The following SORL1 variants were observed in gnomAD, a reference collection of about 807,000 sequenced individuals.
SORL1 encodes sortilin-related receptor.
In SORL1, 127 loss-of-function variants were observed where a neutral mutation model predicts 273.7. The observed-to-expected ratio is 0.46, with a 90% CI of 0.40 to 0.54. The LOEUF (loss-of-function observed/expected upper bound fraction) is 0.54. Among genes scored for constraint, SORL1 ranks in the 20% least tolerant of loss-of-function variants. SORL1 has a pLI of 0.00. For missense variants in SORL1, 2,494 were observed against 2,846.1 expected, an observed-to-expected ratio of 0.88 and a Z score of 2.81; for synonymous variants, 1,031 against 1,067.4, an observed-to-expected ratio of 0.97 and a Z score of 0.66.
At chr11:121,615,177 A>G in intron 41 of SORL1, 122 bp downstream of exon 41, 1 of 724,308 alleles carries the variant, frequency 1.4e-6, no homozygotes, top group Non-Finnish European at 2.2e-6. Flanking sequence ...CTGCTCTTGG[A>G]TATAGGCCTT....
At chr11:121,566,483 G>A (rs1862756289) in intron 21 of SORL1, among the ~76,000 whole-genome samples, 1 of 152,180 alleles carries the variant, frequency 6.6e-6, no homozygotes, top group African/African-American at 2.4e-5. Flanking sequence ...GGGGCTACAG[G>A]TGCGTGCTGC....
intron 2 of SORL1, among the ~76,000 whole-genome samples, chr11:121,471,919 G>A (rs1274196554): frequency 6.6e-6 from 1 of 152,142 alleles, no homozygotes; most frequent in Middle Eastern, 3.2e-3. Flanking sequence ...CAATGACTTT[G>A]GCCCATTTAT....
chr11:121,576,194 G>C (rs546026892), intron 24 of SORL1, among the ~76,000 whole-genome samples: 1 of 152,298 alleles, frequency 6.6e-6, no homozygotes, highest in African/African-American at 2.4e-5. Context: ...ATAAACAATA[G>C]TATTTTGTTT....
Position 121,491,682 on chromosome 11 carries a change from C to G in SORL1, c.758+1572C>G, listed in dbSNP as rs141729915. Reference sequence around the variant, plus strand: ...TATTGGCTTCACCTTCAGTATATATCTAGAATCTTCTACTCAGGTACCACT... The same window carrying G: ...TATTGGCTTCACCTTCAGTATATATGTAGAATCTTCTACTCAGGTACCACT... On this transcript the variant is annotated intron_variant, in intron 5 of 47. Transcript: ENST00000260197. Among the ~76,000 whole-genome samples the G allele has an allele frequency of 1.6e-4, 25 of 152,308 alleles. 1 individual carries two copies. The highest frequency in any genetic ancestry group is 1.4e-3 in the Admixed American group (22 of 15,300).
intron 1 of SORL1, 39 bp from the exon 2 acceptor site, chr11:121,469,968 C>T (rs374968242): frequency 7.8e-7 from 1 of 1,288,968 alleles, no homozygotes; most frequent in African/African-American, 1.5e-5. Context: ...GTGGCCATCA[C>T]TTATCGTGGG....
In SORL1 at chr11:121,452,867, G is replaced by A. The variant is rs1860830812; in HGVS notation, c.285+251G>A. The A allele has an allele frequency of 2.4e-6, 1 of 415,532 alleles. No individual in the cohort carries two copies. Among genetic ancestry groups the A allele is most frequent in the Non-Finnish European group, 4.3e-6 (1 of 234,948 alleles). 25.7% of individuals were successfully genotyped at this position (415,532 alleles called of 1,614,324 possible). On this transcript the variant is annotated intron_variant, in intron 1 of 47. Coordinates refer to ENST00000260197, the MANE Select transcript of SORL1 (RefSeq NM_003105.6). This position sits in a 1 kb window ranked among gnomAD's most constrained non-coding sequence, Gnocchi z 5.3. ...TGCAGTGCGTATTACCCCAGGGTGTGTGCAGAGAGATGTAGTTTCCGGCAG... is the reference window on the plus strand; with the variant it reads ...TGCAGTGCGTATTACCCCAGGGTGTATGCAGAGAGATGTAGTTTCCGGCAG...
At chr11:121,568,335 T>C (rs1862782534) in intron 22 of SORL1, among the ~76,000 whole-genome samples, 2 of 152,242 alleles carry the variant, frequency 1.3e-5, no homozygotes, top group Admixed American at 6.5e-5. Flanking sequence ...AGAGACTTTC[T>C]TTCAGGCTAT....
At chr11:121,460,700 T>C (rs2134768610) in intron 1 of SORL1, among the ~76,000 whole-genome samples, 1 of 152,114 alleles carries the variant, frequency 6.6e-6, no homozygotes, top group Non-Finnish European at 1.5e-5. Context: ...CTGGCCTTGG[T>C]GAAATTTTTA....
At position 121,554,028 on chromosome 11, in the gene SORL1, G is replaced by A. The variant is rs528640160; in HGVS notation, c.2358G>A (p.Gly786=). ...SGATEQLPLT[G]LRAAVALDFD... is the part of the protein sequence containing the mutation. ...CCACCGAGCAGTTGCCTCTCACCGG[G>A]CTACGGGCAGCAGTGGCCCTGGACT... is the stretch of plus-strand genomic sequence containing the variant. Residue 786 remains glycine (G), a synonymous_variant, in exon 17 of 48, where the codon GGG becomes GGA. Coordinates refer to ENST00000260197, the MANE Select transcript of SORL1 (RefSeq NM_003105.6). This position sits in a 1 kb window ranked among gnomAD's most constrained non-coding sequence, Gnocchi z 4.6. The A allele has an allele frequency of 6.2e-7, 1 of 1,614,194 alleles. No individual in the cohort carries two copies. The highest frequency in any genetic ancestry group is 2.2e-5 in the East Asian group (1 of 44,884).
chr11:121,579,897 A>G (rs1862989098), intron 25 of SORL1, among the ~76,000 whole-genome samples: 1 of 152,200 alleles, frequency 6.6e-6, no homozygotes, highest in African/African-American at 2.4e-5. Context: ...GTTATTATAG[A>G]CATATATTTA....
intron 26 of SORL1, among the ~76,000 whole-genome samples, chr11:121,583,806 C>A (rs997489839): frequency 6.6e-6 from 1 of 152,218 alleles, no homozygotes; most frequent in Non-Finnish European, 1.5e-5. Flanking sequence ...GCCCCACACA[C>A]AAACTATATA....
intron 40 of SORL1, 159 bp from the exon 41 acceptor site, chr11:121,614,712 C>T (rs762535442): frequency 1.1e-5 from 7 of 631,068 alleles, no homozygotes; most frequent in East Asian, 5.5e-5. Context: ...AGTACATAAA[C>T]GTTGAATGAA....
intron 31 of SORL1, among the ~76,000 whole-genome samples, chr11:121,592,341 T>C (rs1863228860): frequency 6.6e-6 from 1 of 152,196 alleles, no homozygotes; most frequent in Admixed American, 6.5e-5. Context: ...CCTAATGGAA[T>C]CGCCTGGGGT....
chr11:121,482,510 G>A (rs1010687920), intron 3 of SORL1, among the ~76,000 whole-genome samples: 30 of 152,328 alleles, frequency 2.0e-4, no homozygotes, highest in African/African-American at 5.5e-4. Context: ...TAATTCCCCA[G>A]AGAAGGCTGC....
chr11:121,591,932 G>A (rs975350405), intron 31 of SORL1, among the ~76,000 whole-genome samples: 10 of 152,118 alleles, frequency 6.6e-5, no homozygotes, highest in Non-Finnish European at 1.0e-4. Flanking sequence ...CTGATTCTAT[G>A]TTTTTTATAA....
intron 12 of SORL1, among the ~76,000 whole-genome samples, chr11:121,542,746 A>G (rs1862365151): frequency 6.6e-6 from 1 of 151,688 alleles, no homozygotes; most frequent in South Asian, 2.1e-4. Context: ...CTTTCACCGA[A>G]TGGTTTTAGC....
chr11:121,597,460 T>G (rs369448237), intron 32 of SORL1, among the ~76,000 whole-genome samples: 425 of 152,082 alleles, frequency 2.8e-3, no homozygotes, highest in African/African-American at 3.8e-3. Context: ...TTGTTTGTTT[T>G]TTTTTTTTTT....
chr11:121,617,684 T>G (rs1329970359), intron 41 of SORL1, among the ~76,000 whole-genome samples: 1 of 152,170 alleles, frequency 6.6e-6, no homozygotes, highest in African/African-American at 2.4e-5. Flanking sequence ...AAATGCTCTT[T>G]GATTGTGCCT....
intron 11 of SORL1, among the ~76,000 whole-genome samples, chr11:121,531,513 T>G (rs146025475): frequency 7.5e-4 from 114 of 152,346 alleles, no homozygotes; most frequent in African/African-American, 2.5e-3. Context: ...TGCTGTATGT[T>G]AAGTAATTTT....
Sources: gnomAD v4.1 joint callset for allele counts (sites outside exome capture counted in the v4.1 genomes callset) on GRCh38, gnomAD v4.1.1 for gene constraint, Gnocchi (gnomAD v3.1) non-coding constraint, MANE v1.5 for transcripts, NCBI Gene and HGNC (gene_info 2026-07-23, HGNC 2026-07-21) for gene names.